The following TXNRD2 variants were observed in gnomAD, a reference collection of about 807,000 sequenced individuals.
TXNRD2 encodes thioredoxin reductase 2.
In TXNRD2, 67 loss-of-function variants were observed where a neutral mutation model predicts 70.8. The ratio of observed to expected loss-of-function variants is 0.95; its 90% CI spans 0.78 to 1.16. The LOEUF (loss-of-function observed/expected upper bound fraction) is 1.16. TXNRD2 is among the 50% of genes most tolerant of loss of function. The probability of loss-of-function intolerance (pLI) is 0.00; values close to 1 mark genes in which losing one functional copy is unlikely to be tolerated. For missense variants in TXNRD2, 644 were observed against 719.9 expected, an observed-to-expected ratio of 0.89 and a Z score of 1.21; for synonymous variants, 301 against 295.8, an observed-to-expected ratio of 1.02 and a Z score of -0.18.
intron 11 of TXNRD2, among the ~76,000 whole-genome samples, chr22:19,893,547 T>C (rs113317007): frequency 0.01 from 1,572 of 152,308 alleles, 21 homozygotes; most frequent in Non-Finnish European, 0.018. Context: ...CGATCCCTGT[T>C]GGCTCCAGCT....
At chr22:19,916,264 C>T (rs1940634543) in intron 5 of TXNRD2, 1 of 231,354 alleles carries the variant, frequency 4.3e-6, no homozygotes, top group Non-Finnish European at 8.7e-6. Flanking sequence ...AGAGAACGGG[C>T]ATGACAAGGC....
chr22:19,888,719 G>A (rs1939135309), intron 11 of TXNRD2, among the ~76,000 whole-genome samples: 1 of 152,184 alleles, frequency 6.6e-6, no homozygotes, highest in Non-Finnish European at 1.5e-5. Context: ...TGGGCCACCT[G>A]GCGACTGTCT....
At chr22:19,885,272 T>G (rs1938973672) in intron 11 of TXNRD2, among the ~76,000 whole-genome samples, 1 of 152,206 alleles carries the variant, frequency 6.6e-6, no homozygotes, top group Admixed American at 6.5e-5. Context: ...GAAGGCAATT[T>G]TGCCTCAAAA....
At chr22:19,891,099 T>C (rs1939244803) in intron 11 of TXNRD2, among the ~76,000 whole-genome samples, 1 of 152,236 alleles carries the variant, frequency 6.6e-6, no homozygotes, top group Non-Finnish European at 1.5e-5. Context: ...TTTCAGGCTC[T>C]GATGCTGGTT....
At chr22:19,887,223 T>A (rs961761214) in intron 11 of TXNRD2, 5 of 152,262 alleles carry the variant, frequency 3.3e-5, no homozygotes, top group African/African-American at 9.6e-5. Flanking sequence ...TCTGGCATAT[T>A]TTCTGCAAAC....
intron 11 of TXNRD2, among the ~76,000 whole-genome samples, chr22:19,893,240 C>A (rs1209432911): frequency 1.3e-5 from 2 of 152,194 alleles, no homozygotes; most frequent in African/African-American, 4.8e-5. Flanking sequence ...CTGAGAGGGA[C>A]CCTGGCTCTG....
chr22:19,898,171 T>C, intron 9 of TXNRD2, 41 bp from the exon 10 acceptor site: 3 of 1,529,122 alleles, frequency 2.0e-6, no homozygotes, highest in Non-Finnish European at 2.7e-6. Context: ...ATCCCAATTT[T>C]GGAAATGATG....
At chr22:19,912,647 C>T (rs1203673222) in intron 7 of TXNRD2, among the ~76,000 whole-genome samples, 1 of 152,186 alleles carries the variant, frequency 6.6e-6, no homozygotes, top group African/African-American at 2.4e-5. Context: ...CACTGGGACC[C>T]TGTCTGCAGC....
intron 2 of TXNRD2, among the ~76,000 whole-genome samples, chr22:19,920,593 GA>G (rs1330425417): frequency 3.6e-5 from 4 of 109,986 alleles, no homozygotes; most frequent in African/African-American, 1.6e-4. Flanking sequence ...AAAAAAGAAA[GA>G]AAGAAAAAAA....
chr22:19,904,448 A>G (rs867293022), intron 8 of TXNRD2, among the ~76,000 whole-genome samples: 1 of 152,222 alleles, frequency 6.6e-6, no homozygotes, highest in Non-Finnish European at 1.5e-5. Flanking sequence ...GGATGCAAAC[A>G]AAGGAGGAAG....
At chr22:19,900,813 G>T (rs1287725709) in intron 8 of TXNRD2, among the ~76,000 whole-genome samples, 1 of 152,178 alleles carries the variant, frequency 6.6e-6, no homozygotes, top group Non-Finnish European at 1.5e-5. Context: ...CTGCTGCTTT[G>T]CATATCCTGC....
chr22:19,917,854 C>G (rs1940706257), intron 5 of TXNRD2, among the ~76,000 whole-genome samples: 1 of 152,174 alleles, frequency 6.6e-6, no homozygotes, highest in Non-Finnish European at 1.5e-5. Context: ...GGCCTTCCAG[C>G]CCCAAGCGCC....
At chr22:19,923,632 G>T (rs112506735) in intron 2 of TXNRD2, among the ~76,000 whole-genome samples, 1 of 151,968 alleles carries the variant, frequency 6.6e-6, no homozygotes, top group Non-Finnish European at 1.5e-5. Context: ...GTGAAAGCTC[G>T]TCTCTACTAA....
chr22:19,889,219 C>A (rs766684764), intron 11 of TXNRD2, among the ~76,000 whole-genome samples: 30 of 152,318 alleles, frequency 2.0e-4, no homozygotes, highest in Non-Finnish European at 3.4e-4. Context: ...ATGTGTAAGA[C>A]CCCACAGTCA....
intron 5 of TXNRD2, among the ~76,000 whole-genome samples, chr22:19,916,953 G>C (rs766658481): frequency 1.3e-5 from 2 of 152,186 alleles, no homozygotes; most frequent in Non-Finnish European, 2.9e-5. Context: ...CAAGGGTTCT[G>C]GGAAGGCTCT....
At chr22:19,939,188 G>A (rs931111891) in intron 1 of TXNRD2, among the ~76,000 whole-genome samples, 6 of 142,044 alleles carry the variant, frequency 4.2e-5, no homozygotes, top group Non-Finnish European at 4.6e-5. Context: ...GTCAGAGACT[G>A]CCCTCATACC....
At chr22:19,911,047 T>A in intron 8 of TXNRD2, 1 of 373,164 alleles carries the variant, frequency 2.7e-6, no homozygotes, top group Non-Finnish European at 5.1e-6. Flanking sequence ...TGCAATTCAG[T>A]TTGGGGGACA....
intron 2 of TXNRD2, among the ~76,000 whole-genome samples, chr22:19,924,774 G>T (rs1941056939): frequency 1.3e-5 from 2 of 152,266 alleles, no homozygotes; most frequent in African/African-American, 4.8e-5. Flanking sequence ...TCAGTAGGTT[G>T]TGGGGAAGCT....
chr22:19,878,496 G>C (rs1366097494), intron 14 of TXNRD2, 59 bp from the exon 15 acceptor site: 6 of 1,480,358 alleles, frequency 4.1e-6, no homozygotes, highest in Admixed American at 1.7e-5. Flanking sequence ...CGTGGCACCT[G>C]CAGCTCCCAC....
Sources: allele counts gnomAD v4.1 joint callset (sites outside exome capture counted in the v4.1 genomes callset), GRCh38; gene constraint gnomAD v4.1.1; transcripts MANE v1.5; gene names NCBI Gene and HGNC (gene_info 2026-07-23, HGNC 2026-07-21).